The following KDM4B variants were observed in gnomAD, a reference collection of about 807,000 sequenced individuals.
The protein encoded by KDM4B is lysine demethylase 4B, also known as lysine-specific demethylase 4B.
KDM4B carries 32 observed loss-of-function variants against 125.2 expected under a neutral mutation model. The observed-to-expected ratio is 0.26, with a 90% CI of 0.19 to 0.34. The LOEUF (loss-of-function observed/expected upper bound fraction) is 0.34, where lower values mean the gene tolerates loss of function less well. Among genes scored for constraint, KDM4B ranks in the 10% least tolerant of loss-of-function variants. KDM4B has a pLI of 1.00. For missense variants in KDM4B, 1,190 were observed against 1,577.7 expected (o/e 0.75, Z 4.16); for synonymous variants, 721 against 677.9 (o/e 1.06, Z -0.99).
Position 5,135,373 on chromosome 19 carries a change from C to T in KDM4B, c.2120C>T (p.Ser707Phe). 1 of 1,613,470 alleles carries T rather than the reference C, an allele frequency of 6.2e-7. No homozygotes were observed. ...ACTGAGAAGGAGGCACCCATAGCCT[C>T]CCTCGGAGAGGGCTGCCCGGCCACA... ...LQTEKEAPIA[S>F]LGEGCPATLP... The change falls in exon 15 of 23, where the codon TCC becomes TTC. Residue 707 changes from serine (S) to phenylalanine (F), a missense_variant. Transcript: ENST00000159111.
At chr19:5,113,937 C>G (rs2039203048) in intron 10 of KDM4B, 1 of 1,219,226 alleles carries the variant, frequency 8.2e-7, no homozygotes, top group Admixed American at 2.9e-5. Context: ...GCTCAGAGGA[C>G]ACGGCCTACT....
chr19:5,045,020 G>A (rs532193926), intron 5 of KDM4B, among the ~76,000 whole-genome samples: 1 of 152,196 alleles, frequency 6.6e-6, no homozygotes, highest in East Asian at 1.9e-4. Context: ...TTCCAAGTTT[G>A]GTCAATGTGG....
intron 21 of KDM4B, among the ~76,000 whole-genome samples, chr19:5,148,790 G>T (rs1005555808): frequency 3.3e-5 from 5 of 152,216 alleles, no homozygotes; most frequent in Non-Finnish European, 5.9e-5. Context: ...CCGACACTAG[G>T]ACTCCTTCAC....
At chr19:5,048,563 T>C (rs1421549561) in intron 6 of KDM4B, among the ~76,000 whole-genome samples, 1 of 147,532 alleles carries the variant, frequency 6.8e-6, no homozygotes, top group Non-Finnish European at 1.5e-5. Flanking sequence ...AGCTCCGCCT[T>C]GCCTGGCCCT....
intron 2 of KDM4B, among the ~76,000 whole-genome samples, chr19:5,026,521 C>T (rs373292880): frequency 2.0e-5 from 3 of 152,112 alleles, no homozygotes; most frequent in Non-Finnish European, 4.4e-5. Flanking sequence ...CCCTCTGTGA[C>T]GTTGTTAATT....
chr19:4,979,392 G>A (rs1449381148), intron 1 of KDM4B, among the ~76,000 whole-genome samples: 1 of 152,242 alleles, frequency 6.6e-6, no homozygotes, highest in African/African-American at 2.4e-5. Flanking sequence ...TGTGGGAACT[G>A]TCACAGATGA....
intron 20 of KDM4B, 128 bp from the exon 21 acceptor site, chr19:5,144,655 C>A: frequency 1.2e-5 from 16 of 1,354,894 alleles, no homozygotes; most frequent in Non-Finnish European, 1.6e-5. Context: ...CTACCCCGGG[C>A]CCCCGCAGCC....
At chr19:5,117,195 C>T (rs1231052570) in intron 10 of KDM4B, among the ~76,000 whole-genome samples, 1 of 152,174 alleles carries the variant, frequency 6.6e-6, no homozygotes, top group Non-Finnish European at 1.5e-5. Flanking sequence ...TCTGGTTGGG[C>T]ACCAGGACAG....
chr19:5,132,950 T>G (rs1241360105), intron 13 of KDM4B, among the ~76,000 whole-genome samples: 1 of 152,076 alleles, frequency 6.6e-6, no homozygotes, highest in Non-Finnish European at 1.5e-5. Context: ...GCTTCCTGAG[T>G]CCACCATGGG....
At chr19:5,048,200 C>T (rs931604229) in intron 6 of KDM4B, among the ~76,000 whole-genome samples, 2 of 152,202 alleles carry the variant, frequency 1.3e-5, no homozygotes, top group South Asian at 2.1e-4. Context: ...CGGGAGGTGC[C>T]GGGTGCAGCG....
At chr19:5,111,964 T>C in intron 10 of KDM4B, 1 of 642,882 alleles carries the variant, frequency 1.6e-6, no homozygotes, top group South Asian at 1.7e-5. Context: ...CTTAAAAATG[T>C]GAACATTGGC....
intron 9 of KDM4B, among the ~76,000 whole-genome samples, chr19:5,104,132 G>A (rs2038990216): frequency 6.6e-6 from 1 of 152,156 alleles, no homozygotes; most frequent in Admixed American, 6.5e-5. Flanking sequence ...AATGAGTCCC[G>A]CTGGCAGGAC....
intron 9 of KDM4B, among the ~76,000 whole-genome samples, chr19:5,087,256 C>T (rs768367711): frequency 2.4e-4 from 37 of 152,272 alleles, no homozygotes; most frequent in Non-Finnish European, 4.3e-4. Context: ...TGGGCATTCA[C>T]CCTTGCCACC....
intron 11 of KDM4B, among the ~76,000 whole-genome samples, chr19:5,125,600 T>A (rs2039435400): frequency 6.6e-6 from 1 of 152,052 alleles, no homozygotes; most frequent in East Asian, 1.9e-4. Flanking sequence ...CCCGGTGCAG[T>A]GGTCACGGTG....
At chr19:4,974,750 AAAG>A (rs1372603076) in intron 1 of KDM4B, among the ~76,000 whole-genome samples, 6 of 152,008 alleles carry the variant, frequency 3.9e-5, no homozygotes, top group African/African-American at 9.7e-5. Flanking sequence ...AAAAAAAAAA[AAAG>A]AAGGTAGTCA....
rs1020678562 is a variant in KDM4B, at chr19:5,047,342, G to A, written c.433-134G>A. 4 of 759,132 alleles carry A rather than the reference G, an allele frequency of 5.3e-6. No individual in the cohort carries two copies. In the South Asian group the frequency reaches 7.2e-5, roughly 14 times the overall value. 47.0% of individuals were successfully genotyped at this position (759,132 alleles called of 1,614,324 possible). A position where few individuals can be genotyped will look rare whatever the true frequency, so the allele number is the denominator to read the frequency against. ...CTGCAGGGTATGACCGGCCCCTGGG[G>A]GGGCCGCAGATACTGGGGTGGAGGA... On this transcript the variant is annotated intron_variant, in intron 5 of 22. Transcript: ENST00000159111.
At chr19:5,075,622 G>A (rs970106462) in intron 7 of KDM4B, 1 of 152,208 alleles carries the variant, frequency 6.6e-6, no homozygotes, top group African/African-American at 2.4e-5. Flanking sequence ...CTGGCTGTGA[G>A]GTTTGTGAAG....
intron 18 of KDM4B, chr19:5,138,400 C>T (rs915048508): frequency 5.3e-5 from 17 of 318,804 alleles, no homozygotes; most frequent in East Asian, 7.3e-5. Flanking sequence ...AGGCACCGCA[C>T]GTGCCCCGAC....
chr19:5,048,526 A>C (rs1476532113), intron 6 of KDM4B, among the ~76,000 whole-genome samples: 3 of 147,330 alleles, frequency 2.0e-5, no homozygotes, highest in Non-Finnish European at 1.5e-5. Flanking sequence ...CTGGAGGAGG[A>C]CGGAGCCTTT....
Sources: allele counts gnomAD v4.1 joint callset (sites outside exome capture counted in the v4.1 genomes callset), GRCh38; gene constraint gnomAD v4.1.1; transcripts MANE v1.5; gene names NCBI Gene and HGNC (gene_info 2026-07-23, HGNC 2026-07-21).